The following SORCS2 variants were observed in gnomAD, a reference collection of about 807,000 sequenced individuals.
SORCS2 encodes the protein VPS10 domain-containing receptor SorCS2.
A neutral mutation model predicts 141.6 loss-of-function variants in SORCS2; 100 were observed. That is an observed-to-expected ratio of 0.71 (90% CI 0.60 to 0.83). SORCS2 has a LOEUF of 0.83. Ranked by LOEUF, SORCS2 falls within the 40% of genes least tolerant of loss-of-function variation. The probability of loss-of-function intolerance (pLI) is 0.00; values close to 1 mark genes in which losing one functional copy is unlikely to be tolerated. For synonymous variants in SORCS2, 789 were observed against 676.9 expected (o/e 1.17, Z -2.57); for missense variants, 1,646 against 1,560.2 (o/e 1.05, Z -0.93).
At chr4:7,421,053 C>G (rs1380903513) in intron 2 of SORCS2, among the ~76,000 whole-genome samples, 1 of 152,182 alleles carries the variant, frequency 6.6e-6, no homozygotes, top group African/African-American at 2.4e-5. Flanking sequence ...GGGCCTGGTT[C>G]CCAGTTCTCT....
At chr4:7,661,349 G>T (rs1214777458) in intron 5 of SORCS2, 151 bp from the exon 6 acceptor site, 3 of 697,054 alleles carry the variant, frequency 4.3e-6, no homozygotes, top group Non-Finnish European at 7.5e-6. Context: ...GGAGCAGGTG[G>T]GGTCCTGGGG....
chr4:7,214,288 T>TG (rs1383910315), intron 1 of SORCS2, among the ~76,000 whole-genome samples: 1 of 152,186 alleles, frequency 6.6e-6, no homozygotes, highest in Non-Finnish European at 1.5e-5. Context: ...AATGGATTAA[T>TG]GCTGTTGTTT....
chr4:7,606,312 C>T (rs1027511884), intron 3 of SORCS2, among the ~76,000 whole-genome samples: 5 of 152,188 alleles, frequency 3.3e-5, no homozygotes, highest in African/African-American at 1.2e-4. Flanking sequence ...GGAGAATATC[C>T]ACTCAAACCC....
At position 7,345,316 on chromosome 4, in the gene SORCS2, A is replaced by T. The variant is rs932232382; in HGVS notation, c.481-50972A>T. Among the ~76,000 whole-genome samples, 64 of 152,158 alleles carry T rather than the reference A, an allele frequency of 4.2e-4. 1 individual carries two copies. Among genetic ancestry groups the T allele is most frequent in the African/African-American group, 1.4e-3 (57 of 41,414 alleles). On this transcript the variant is annotated intron_variant, in intron 1 of 26. Coordinates refer to ENST00000507866, the MANE Select transcript of SORCS2 (RefSeq NM_020777.3). Reference sequence around the variant, plus strand: ...CCAATATTAAGCATAGAAAGTGCACATTGGGTGTGACTTCAGGACAGCTGA... The same window carrying T: ...CCAATATTAAGCATAGAAAGTGCACTTTGGGTGTGACTTCAGGACAGCTGA...
intron 3 of SORCS2, among the ~76,000 whole-genome samples, chr4:7,546,288 C>T (rs1358810746): frequency 6.6e-6 from 1 of 152,150 alleles, no homozygotes; most frequent in African/African-American, 2.4e-5. Context: ...GCTCAATTCA[C>T]CAAGGCCTCC....
At position 7,192,754 on chromosome 4, in the gene SORCS2, CCTGCTG is replaced by C. The variant is rs544508254; in HGVS notation, c.124_129del (p.Leu42_Leu43del). On this transcript the variant is annotated inframe_deletion, in exon 1 of 27. Transcript: ENST00000507866. The surrounding 1 kb of genome is among the most constrained non-coding windows in gnomAD (Gnocchi z 4.0). ...CGCGCTCGCCGCGCTCGCGGCCGCT[CCTGCTG>C]CTGCTGCTGCTGCTGGGCGCCTGCG... is the stretch of plus-strand genomic sequence containing the variant. The C allele has an allele frequency of 1.2e-5, 12 of 998,752 alleles. No homozygotes were observed. Among genetic ancestry groups the C allele is most frequent in the Non-Finnish European group, 1.3e-5 (11 of 840,812 alleles). 61.9% of individuals were successfully genotyped at this position (998,752 alleles called of 1,614,324 possible). A position where few individuals can be genotyped will look rare whatever the true frequency, so the allele number is the denominator to read the frequency against.
At chr4:7,255,121 C>T (rs1469524843) in intron 1 of SORCS2, among the ~76,000 whole-genome samples, 1 of 151,966 alleles carries the variant, frequency 6.6e-6, no homozygotes, top group Non-Finnish European at 1.5e-5. Context: ...CCTTTTCAGG[C>T]TTCCATTCAC....
intron 1 of SORCS2, among the ~76,000 whole-genome samples, chr4:7,259,542 C>G (rs1035056523): frequency 6.6e-6 from 1 of 152,192 alleles, no homozygotes; most frequent in African/African-American, 2.4e-5. Flanking sequence ...TGACGTCAGG[C>G]CCAGGGGTGG....
At chr4:7,716,859 C>T (rs144613723) in intron 17 of SORCS2, among the ~76,000 whole-genome samples, 188 of 152,362 alleles carry the variant, frequency 1.2e-3, no homozygotes, top group Non-Finnish European at 2.2e-3. Context: ...ATACCATCTG[C>T]ACGCTGTAGG....
intron 1 of SORCS2, among the ~76,000 whole-genome samples, chr4:7,215,672 T>C (rs1288423067): frequency 2.0e-5 from 3 of 152,216 alleles, no homozygotes; most frequent in Non-Finnish European, 4.4e-5. Flanking sequence ...TGTATCCAGC[T>C]CAAGGTTTGT....
chr4:7,729,686 A>C lies in SORCS2; in HGVS notation c.3082A>C (p.Arg1028=). The C allele has an allele frequency of 6.2e-7, 1 of 1,610,422 alleles. No homozygotes were observed. Among genetic ancestry groups the C allele is most frequent in the Non-Finnish European group, 8.5e-7 (1 of 1,178,534 alleles). Residue 1028 remains arginine, a synonymous_variant, in exon 23 of 27, where the codon AGG becomes CGG. Coordinates refer to ENST00000507866, the MANE Select transcript of SORCS2 (RefSeq NM_020777.3). The stretch of plus-strand genomic sequence containing the variant: ...GCTCCTGCCCCCTCCCAGGCCCACA[A>C]GGAAGAGGAGCCTCTCGAGTGATAA... ...YVLLPPPRPT[R]KRSLSSDKRL...
intron 1 of SORCS2, among the ~76,000 whole-genome samples, chr4:7,279,224 T>TA (rs1465883534): frequency 6.6e-6 from 1 of 152,144 alleles, no homozygotes; most frequent in Non-Finnish European, 1.5e-5. Context: ...TACAAAGATG[T>TA]AAAAACAGTG....
chr4:7,324,832 T>A (rs1719136275), intron 1 of SORCS2, among the ~76,000 whole-genome samples: 1 of 152,318 alleles, frequency 6.6e-6, no homozygotes, highest in South Asian at 2.1e-4. Flanking sequence ...GCAAGAGCTG[T>A]CATTTTCCTT....
intron 1 of SORCS2, among the ~76,000 whole-genome samples, chr4:7,311,663 A>G (rs1286316244): frequency 2.6e-5 from 4 of 152,066 alleles, no homozygotes; most frequent in African/African-American, 7.2e-5. Flanking sequence ...GAGCTTCTTT[A>G]TGGGGGCTTA....
Position 7,363,073 on chromosome 4 carries a change from ACAT to A in SORCS2, c.481-33200_481-33198del, listed in dbSNP as rs200749683. On this transcript the variant is annotated intron_variant, in intron 1 of 26. Coordinates refer to ENST00000507866, the MANE Select transcript of SORCS2 (RefSeq NM_020777.3). ...CCACCACCACCATCACTACCGTCAT[ACAT>A]CATCATCATCATCACCATCACCACT... Among the ~76,000 whole-genome samples, 1,105 of 146,656 alleles carry A rather than the reference ACAT, an allele frequency of 7.5e-3. 10 individuals carry two copies. Among genetic ancestry groups the A allele is most frequent in the African/African-American group, 0.026 (1,003 of 38,374 alleles).
In SORCS2 at chr4:7,201,553, T is replaced by G. The variant is rs1043893105; in HGVS notation, c.480+8427T>G. ...AGAGTCAGGCTAAGACTTGTGCAGA[T>G]GATTCGATGGAGAGCAGACTGGAGT... On this transcript the variant is annotated intron_variant, in intron 1 of 26. Coordinates refer to ENST00000507866, the MANE Select transcript of SORCS2 (RefSeq NM_020777.3). The surrounding 1 kb of genome is among the most constrained non-coding windows in gnomAD (Gnocchi z 4.4). Among the ~76,000 whole-genome samples, 1 of 152,180 alleles carries G rather than the reference T, an allele frequency of 6.6e-6. No homozygotes were observed. The highest frequency in any genetic ancestry group is 1.5e-5 in the Non-Finnish European group (1 of 68,030).
rs1715147497 is a variant in SORCS2 at position 7,568,100 on chromosome 4, AT to A, written c.648+36473del. Among the ~76,000 whole-genome samples the A allele has an allele frequency of 4.6e-5, 7 of 152,308 alleles. No individual in the cohort carries two copies. The South Asian group carries it at 1.5e-3, about 32-fold the overall frequency. Reference sequence around the variant, plus strand: ...TCTCCAAGGAGCTCTGACTGCTTTTATTGGAGAATGGTATTAGAAACCAAGG... The same window carrying A: ...TCTCCAAGGAGCTCTGACTGCTTTTATGGAGAATGGTATTAGAAACCAAGG... On this transcript the variant is annotated intron_variant, in intron 3 of 26. Coordinates refer to ENST00000507866, the MANE Select transcript of SORCS2 (RefSeq NM_020777.3).
chr4:7,467,371 G>A (rs577171428), intron 2 of SORCS2, among the ~76,000 whole-genome samples: 3 of 152,312 alleles, frequency 2.0e-5, no homozygotes, highest in Admixed American at 2.0e-4. Context: ...CTGGGATGAG[G>A]AGCTCACCCT....
chr4:7,250,307 C>T (rs1038973947), intron 1 of SORCS2, among the ~76,000 whole-genome samples: 5 of 152,134 alleles, frequency 3.3e-5, no homozygotes, highest in Non-Finnish European at 7.3e-5. Flanking sequence ...AATTCTCCCA[C>T]CACCTGGGCC....
Sources: allele counts gnomAD v4.1 joint callset (sites outside exome capture counted in the v4.1 genomes callset), GRCh38; gene constraint gnomAD v4.1.1; non-coding constraint Gnocchi (gnomAD v3.1); transcripts MANE v1.5; gene names NCBI Gene and HGNC (gene_info 2026-07-23, HGNC 2026-07-21).